CERS6: variants seen among roughly 807,000 people sequenced by gnomAD.
CERS6 encodes ceramide synthase 6.
CERS6 carries 26 observed loss-of-function variants against 56.8 expected under a neutral mutation model. The ratio of observed to expected loss-of-function variants is 0.46; its 90% CI spans 0.34 to 0.63. The LOEUF is 0.63. Among genes scored for constraint, CERS6 ranks in the 30% least tolerant of loss-of-function variants. CERS6 has a pLI of 0.01. For synonymous variants in CERS6, 164 were observed against 173.3 expected, an observed-to-expected ratio of 0.95 and a Z score of 0.42; for missense variants, 415 against 467.5, an observed-to-expected ratio of 0.89 and a Z score of 1.04.
intron 8 of CERS6, among the ~76,000 whole-genome samples, chr2:168,748,995 C>G (rs993134996): frequency 2.0e-5 from 3 of 151,110 alleles, no homozygotes; most frequent in Non-Finnish European, 4.4e-5. Flanking sequence ...CTTCCTCCCC[C>G]TCTGTCTTAC....
At chr2:168,535,027 G>A (rs946913469) in intron 1 of CERS6, among the ~76,000 whole-genome samples, 22 of 152,326 alleles carry the variant, frequency 1.4e-4, no homozygotes, top group Middle Eastern at 3.4e-3. Flanking sequence ...TTGGGCTGTC[G>A]GGGACACGTC....
Position 168,456,513 on chromosome 2 carries a change from C to T in CERS6, c.65C>T (p.Ala22Val). 1 of 1,613,986 alleles carries T rather than the reference C, an allele frequency of 6.2e-7. No individual in the cohort carries two copies. The highest frequency in any genetic ancestry group is 8.5e-7 in the Non-Finnish European group (1 of 1,179,862). The change falls in exon 1 of 10, where the codon GCG (alanine) becomes GTG (valine). Residue 22 changes from alanine to valine, a missense_variant. Ala to Val is a moderately conservative substitution (Grantham distance 64). Transcript: ENST00000305747. The surrounding 1 kb of genome is among the most constrained non-coding windows in gnomAD (Gnocchi z 4.1). ...RFWLPHNVTW[A>V]DLKNTEEATF... Reference sequence around the variant, plus strand: ...TGGCTCCCGCACAATGTCACCTGGGCGGACCTGAAGAACACGGAGGAGGCC... The same window carrying T: ...TGGCTCCCGCACAATGTCACCTGGGTGGACCTGAAGAACACGGAGGAGGCC...
chr2:168,484,242 C>T (rs190988904), intron 1 of CERS6, among the ~76,000 whole-genome samples: 6 of 117,120 alleles, frequency 5.1e-5, no homozygotes, highest in East Asian at 2.8e-4. Flanking sequence ...AGGACAATGG[C>T]GTGATCTCAG....
chr2:168,656,556 T>C (rs1486981821), intron 4 of CERS6, among the ~76,000 whole-genome samples: 2 of 151,206 alleles, frequency 1.3e-5, no homozygotes, highest in Non-Finnish European at 2.9e-5. Flanking sequence ...GCTCTTAAGG[T>C]AGCGCGTCTG....
chr2:168,493,951 T>G (rs1178560953), intron 1 of CERS6, among the ~76,000 whole-genome samples: 1 of 152,076 alleles, frequency 6.6e-6, no homozygotes, highest in Non-Finnish European at 1.5e-5. Flanking sequence ...CAGACTGGTG[T>G]CAAGACTGCA....
intron 2 of CERS6, among the ~76,000 whole-genome samples, chr2:168,555,689 TA>T (rs1298530694): frequency 6.6e-6 from 1 of 150,554 alleles, no homozygotes; most frequent in African/African-American, 2.5e-5. Flanking sequence ...AAAACTTGAC[TA>T]AAAAATTTAT....
chr2:168,708,415 T>C (rs539787580), intron 6 of CERS6, among the ~76,000 whole-genome samples: 1 of 152,322 alleles, frequency 6.6e-6, no homozygotes, highest in East Asian at 1.9e-4. Context: ...AGAAGTCATA[T>C]ACATTTGTAT....
rs776236738 is a variant in CERS6, at chr2:168,752,315, GTGTA to G, written c.846-13275_846-13272del. 5.6e-3 allele frequency among the ~76,000 whole-genome samples: 820 copies of G among 145,160 alleles called. 9 individuals carry two copies. Among genetic ancestry groups the G allele is most frequent in the African/African-American group, 0.017 (623 of 36,684 alleles). On this transcript the variant is annotated intron_variant, in intron 8 of 9. Coordinates refer to ENST00000305747, the MANE Select transcript of CERS6 (RefSeq NM_203463.3). ...TGTGTGTGTGTGTGTGTGTGTGTGT[GTGTA>G]TAGAGAGAGAGAGAGAGAGGCTAAG...
rs547404827 is a variant in CERS6 at position 168,550,658 on chromosome 2, C to T, written c.276+2957C>T. ...ACTGGCTGACACACTGTACCTTGGT[C>T]AGGGGAGCAGAGAAATACAGTCAGG... On this transcript the variant is annotated intron_variant, in intron 2 of 9. Coordinates refer to ENST00000305747, the MANE Select transcript of CERS6 (RefSeq NM_203463.3). 3.3e-5 allele frequency among the ~76,000 whole-genome samples: 5 copies of T among 152,330 alleles called. No individual in the cohort carries two copies. In the South Asian group the frequency reaches 6.2e-4, roughly 19 times the overall value.
At chr2:168,474,134 A>G (rs1385530470) in intron 1 of CERS6, among the ~76,000 whole-genome samples, 1 of 152,146 alleles carries the variant, frequency 6.6e-6, no homozygotes, top group Non-Finnish European at 1.5e-5. Flanking sequence ...TCTTTTTTCC[A>G]CGTAAGGCCA....
At chr2:168,562,602 ACATCT>A (rs1383670662) in intron 3 of CERS6, among the ~76,000 whole-genome samples, 1 of 152,296 alleles carries the variant, frequency 6.6e-6, no homozygotes, top group East Asian at 1.9e-4. Flanking sequence ...CTCCACCCAA[ACATCT>A]CAGTGGAGTA....
In CERS6 at chr2:168,681,316, T is replaced by C. The variant is rs145253063; in HGVS notation, c.466-9718T>C. Among the ~76,000 whole-genome samples, 269 of 152,324 alleles carry C rather than the reference T, an allele frequency of 1.8e-3. 1 individual carries two copies. Among genetic ancestry groups the C allele is most frequent in the African/African-American group, 6.4e-3 (265 of 41,568 alleles). ...TGGGAATTTAGAATTATTAATGATT[T>C]GTTTGTAGTTGAAATATCACTGTCA... On this transcript the variant is annotated intron_variant, in intron 4 of 9. Transcript: ENST00000305747.
At chr2:168,624,225 A>G (rs970837774) in intron 3 of CERS6, among the ~76,000 whole-genome samples, 3 of 152,210 alleles carry the variant, frequency 2.0e-5, no homozygotes, top group East Asian at 1.9e-4. Flanking sequence ...AATGAAGAGT[A>G]AACAAAGTCT....
At chr2:168,497,653 A>G (rs1218221795) in intron 1 of CERS6, among the ~76,000 whole-genome samples, 1 of 152,218 alleles carries the variant, frequency 6.6e-6, no homozygotes, top group African/African-American at 2.4e-5. Flanking sequence ...CAGGGTGAGC[A>G]GGTGGAGAAC....
intron 6 of CERS6, among the ~76,000 whole-genome samples, chr2:168,698,897 T>G (rs1686735229): frequency 6.6e-6 from 1 of 152,166 alleles, no homozygotes; most frequent in Non-Finnish European, 1.5e-5. Context: ...GAATAGCATG[T>G]TTTAGATAGG....
intron 1 of CERS6, among the ~76,000 whole-genome samples, chr2:168,535,872 A>G (rs1695254426): frequency 6.6e-6 from 1 of 151,586 alleles, no homozygotes; most frequent in African/African-American, 2.4e-5. Context: ...TGGGCATGAA[A>G]TGGTCTTGGT....
At chr2:168,755,559 G>T (rs1684391976) in intron 8 of CERS6, among the ~76,000 whole-genome samples, 1 of 152,106 alleles carries the variant, frequency 6.6e-6, no homozygotes, top group Non-Finnish European at 1.5e-5. Context: ...GGCCCCTCTG[G>T]CTTAAGAACC....
intron 4 of CERS6, among the ~76,000 whole-genome samples, chr2:168,665,701 C>T (rs1295184324): frequency 5.9e-5 from 9 of 152,120 alleles, no homozygotes. Context: ...TACATGTTCA[C>T]TGCTGTATAC....
chr2:168,469,555 C>T (rs74513861), intron 1 of CERS6, among the ~76,000 whole-genome samples: 2,592 of 152,174 alleles, frequency 0.017, 69 homozygotes, highest in African/African-American at 0.06. Context: ...TCTACAAGTC[C>T]ACTGTGGGTC....
Sources: allele counts gnomAD v4.1 joint callset (sites outside exome capture counted in the v4.1 genomes callset), GRCh38; gene constraint gnomAD v4.1.1; non-coding constraint Gnocchi (gnomAD v3.1); transcripts MANE v1.5; gene names NCBI Gene and HGNC (gene_info 2026-07-23, HGNC 2026-07-21).